GLDN: variants seen among roughly 807,000 people sequenced by gnomAD.
GLDN encodes the protein gliomedin, also known as collomin.
GLDN carries 47 observed loss-of-function variants against 56.5 expected under a neutral mutation model. That is an observed-to-expected ratio of 0.83 (90% CI 0.66 to 1.06). The LOEUF is 1.06. Among genes scored for constraint, GLDN ranks in the 50% least tolerant of loss-of-function variants. The pLI is 0.00. For synonymous variants in GLDN, 332 were observed against 278.8 expected (o/e 1.19, Z -1.90); for missense variants, 782 against 714.3 (o/e 1.09, Z -1.08).
chr15:51,361,708 G>C (rs1183292362), intron 1 of GLDN, among the ~76,000 whole-genome samples: 4 of 152,172 alleles, frequency 2.6e-5, no homozygotes, highest in Non-Finnish European at 5.9e-5. Context: ...GCAGGGAGGA[G>C]ACAAAAACCA....
At chr15:51,382,179 C>T (rs768453897) in intron 2 of GLDN, among the ~76,000 whole-genome samples, 5 of 152,156 alleles carry the variant, frequency 3.3e-5, no homozygotes, top group Admixed American at 1.3e-4. Context: ...TGTCGTGGCT[C>T]CAGGATCATC....
chr15:51,344,631 G>A (rs2141043529), intron 1 of GLDN, among the ~76,000 whole-genome samples: 1 of 152,252 alleles, frequency 6.6e-6, no homozygotes, highest in Non-Finnish European at 1.5e-5. Context: ...TTGAATGAGA[G>A]TGAGATCCAA....
At chr15:51,390,482 T>C (rs189604117) in intron 4 of GLDN, among the ~76,000 whole-genome samples, 1 of 152,340 alleles carries the variant, frequency 6.6e-6, no homozygotes, top group East Asian at 1.9e-4. Flanking sequence ...TTTCTTTCCT[T>C]CCAGCTGCCT....
intron 1 of GLDN, among the ~76,000 whole-genome samples, chr15:51,355,670 C>T (rs2470160): frequency 0.62 from 93,100 of 149,450 alleles, 29,300 homozygotes; most frequent in East Asian, 0.7. Context: ...ACCACAGGCA[C>T]GCACCAACAC....
chr15:51,389,042 C>A (rs935392294), intron 4 of GLDN, among the ~76,000 whole-genome samples: 3 of 152,212 alleles, frequency 2.0e-5, no homozygotes, highest in African/African-American at 7.2e-5. Flanking sequence ...GCCTTCAAGG[C>A]AGAGGGGAAC....
At chr15:51,382,562 A>C (rs148071518) in intron 2 of GLDN, among the ~76,000 whole-genome samples, 1 of 141,976 alleles carries the variant, frequency 7.0e-6, no homozygotes, top group Non-Finnish European at 1.5e-5. Context: ...CTAAAAATAC[A>C]TAAAAAAAAA....
intron 1 of GLDN, among the ~76,000 whole-genome samples, chr15:51,343,877 T>C (rs932619893): frequency 6.6e-6 from 1 of 152,176 alleles, no homozygotes; most frequent in African/African-American, 2.4e-5. Context: ...CTCTCCAGAA[T>C]CTGCTTTATT....
intron 2 of GLDN, among the ~76,000 whole-genome samples, chr15:51,378,329 C>A (rs1428178142): frequency 6.6e-6 from 1 of 152,180 alleles, no homozygotes; most frequent in Non-Finnish European, 1.5e-5. Context: ...CATATTCCGG[C>A]CCTCACTGAA....
chr15:51,388,034 G>A (rs1193638401), intron 4 of GLDN, among the ~76,000 whole-genome samples: 1 of 152,128 alleles, frequency 6.6e-6, no homozygotes, highest in African/African-American at 2.4e-5. Context: ...AGTAGACTGG[G>A]GTGGGACTAG....
chr15:51,394,754 A>G, intron 4 of GLDN, 81 bp from the exon 5 acceptor site: 2 of 1,454,700 alleles, frequency 1.4e-6, no homozygotes, highest in Non-Finnish European at 1.9e-6. Context: ...TTCCCTGGAA[A>G]GCACAAAGCA....
intron 1 of GLDN, among the ~76,000 whole-genome samples, chr15:51,350,487 G>A (rs770632272): frequency 1.3e-5 from 2 of 152,140 alleles, no homozygotes; most frequent in Non-Finnish European, 1.5e-5. Flanking sequence ...GTGTGCACAC[G>A]TGCATTTAGG....
intron 1 of GLDN, among the ~76,000 whole-genome samples, chr15:51,358,051 T>C (rs914392541): frequency 6.6e-6 from 1 of 152,144 alleles, no homozygotes; most frequent in African/African-American, 2.4e-5. Context: ...TGCCCTAAAC[T>C]TACTCCAGAT....
chr15:51,404,685 A>T lies in GLDN; in HGVS notation c.1587A>T (p.Leu529Phe). The T allele has an allele frequency of 6.2e-7, 1 of 1,613,128 alleles. No individual in the cohort carries two copies. The highest frequency in any genetic ancestry group is 8.5e-7 in the Non-Finnish European group (1 of 1,179,068). Residue 529 changes from leucine to phenylalanine, a missense_variant, in exon 10 of 10, where the codon TTA becomes TTT. Transcript: ENST00000335449. Reference protein sequence around the residue: ...MLAYNMRDQHLYSWEDGHLML... With the variant: ...MLAYNMRDQHFYSWEDGHLML... ...CATACAACATGAGAGATCAGCATTTATATTCATGGGAAGATGGCCATTTAA... is the reference window on the plus strand; with the variant it reads ...CATACAACATGAGAGATCAGCATTTTTATTCATGGGAAGATGGCCATTTAA...
intron 1 of GLDN, among the ~76,000 whole-genome samples, chr15:51,367,781 G>A (rs1741235205): frequency 6.6e-6 from 1 of 152,176 alleles, no homozygotes; most frequent in Non-Finnish European, 1.5e-5. Flanking sequence ...CAGCCTGGCT[G>A]ACCCAGCCCA....
rs1435621626 is a variant in GLDN at position 51,407,735 on chromosome 15, A to G, written c.*2981A>G. On this transcript the variant is annotated 3_prime_UTR_variant, in exon 10 of 10. Transcript: ENST00000335449. The stretch of plus-strand genomic sequence containing the variant: ...CTTAACAGTCACAAGGTGAAAAGTC[A>G]AATGAAACAGTACAATTCTTGATGA... 1 of 152,242 alleles carries G rather than the reference A, an allele frequency of 6.6e-6. No individual in the cohort carries two copies. Among genetic ancestry groups the G allele is most frequent in the African/African-American group, 2.4e-5 (1 of 41,460 alleles). The allele number at this position is 152,242 out of a possible 1,614,324, so 9.4% of individuals were successfully genotyped here.
chr15:51,361,712 A>T (rs1442937786), intron 1 of GLDN, among the ~76,000 whole-genome samples: 2 of 152,248 alleles, frequency 1.3e-5, no homozygotes, highest in Non-Finnish European at 2.9e-5. Flanking sequence ...GGAGGAGACA[A>T]AAACCAAAGC....
chr15:51,388,011 G>A (rs1380780827), intron 4 of GLDN, among the ~76,000 whole-genome samples: 1 of 152,118 alleles, frequency 6.6e-6, no homozygotes, highest in African/African-American at 2.4e-5. Flanking sequence ...CACGAGTACT[G>A]CTAGGGACCC....
Position 51,407,899 on chromosome 15 carries a change from A to G in GLDN, c.*3145A>G, listed in dbSNP as rs922687301. On this transcript the variant is annotated 3_prime_UTR_variant, in exon 10 of 10. Transcript: ENST00000335449. ...TGTGTTTCACAGCATTAAGAGCCAT[A>G]ATTTCCAACCTGCACAGATCCTGAA... is the stretch of plus-strand genomic sequence containing the variant. 6.6e-6 allele frequency: 1 copy of G among 152,208 alleles called. No individual in the cohort carries two copies. The highest frequency in any genetic ancestry group is 1.9e-4 in the East Asian group (1 of 5,204). 9.4% of individuals were successfully genotyped at this position (152,208 alleles called of 1,614,324 possible).
chr15:51,358,808 C>T (rs778898828), intron 1 of GLDN, among the ~76,000 whole-genome samples: 26 of 152,174 alleles, frequency 1.7e-4, no homozygotes, highest in Non-Finnish European at 3.2e-4. Context: ...TTCTGCAGCA[C>T]CACCTGGCCA....
Sources: allele counts gnomAD v4.1 joint callset (sites outside exome capture counted in the v4.1 genomes callset), GRCh38; gene constraint gnomAD v4.1.1; transcripts MANE v1.5; gene names NCBI Gene and HGNC (gene_info 2026-07-23, HGNC 2026-07-21).